Variants in PRKG1 observed in about 807,000 individuals in gnomAD.
PRKG1 encodes the protein protein kinase cGMP-dependent 1, also known as cGMP-dependent protein kinase 1.
Under a neutral mutation model 88.1 loss-of-function variants are expected in PRKG1, and 35 were observed. The ratio of observed to expected loss-of-function variants is 0.40; its 90% confidence interval spans 0.30 to 0.53. PRKG1 has a LOEUF of 0.53. Among genes scored for constraint, PRKG1 ranks in the 20% least tolerant of loss-of-function variants. PRKG1 has a pLI of 0.59. For missense variants in PRKG1, 540 were observed against 839.8 expected, an observed-to-expected ratio of 0.64 and a Z score of 4.41; for synonymous variants, 303 against 292.5, an observed-to-expected ratio of 1.04 and a Z score of -0.37.
At chr10:51,810,407 G>T (rs1171507203) in intron 4 of PRKG1, among the ~76,000 whole-genome samples, 1 of 152,020 alleles carries the variant, frequency 6.6e-6, no homozygotes, top group Admixed American at 6.6e-5. Context: ...TCCCTCTATG[G>T]GGGCCTTGTA....
intron 2 of PRKG1, among the ~76,000 whole-genome samples, chr10:51,401,487 T>C (rs996595226): frequency 2.0e-5 from 3 of 152,178 alleles, no homozygotes; most frequent in African/African-American, 7.2e-5. Context: ...CCTTTGTAAG[T>C]CCTCTGCATT....
At chr10:51,821,786 G>A (rs1049568155) in intron 4 of PRKG1, among the ~76,000 whole-genome samples, 1 of 152,000 alleles carries the variant, frequency 6.6e-6, no homozygotes, top group African/African-American at 2.4e-5. Flanking sequence ...AAATAGAATT[G>A]AGAGCCCAGA....
intron 3 of PRKG1, among the ~76,000 whole-genome samples, chr10:51,587,113 G>A (rs984526567): frequency 6.6e-6 from 1 of 151,976 alleles, no homozygotes; most frequent in African/African-American, 2.4e-5. Flanking sequence ...ATTCAGACGG[G>A]CCTCATTTTT....
intron 2 of PRKG1, among the ~76,000 whole-genome samples, chr10:51,325,851 C>A (rs561886520): frequency 6.6e-6 from 1 of 152,160 alleles, no homozygotes; most frequent in South Asian, 2.1e-4. Context: ...GGCCCAGTCT[C>A]AGCTCCAACC....
At chr10:51,850,499 A>ATATATATGTATATG (rs1554848487) in intron 4 of PRKG1, among the ~76,000 whole-genome samples, 3 of 151,280 alleles carry the variant, frequency 2.0e-5, no homozygotes, top group Non-Finnish European at 4.4e-5. Context: ...TTATATATAT[A>ATATATATGTATATG]TATATGTATA....
intron 5 of PRKG1, among the ~76,000 whole-genome samples, chr10:52,048,704 G>T (rs1845918445): frequency 1.3e-5 from 2 of 152,164 alleles, no homozygotes; most frequent in South Asian, 4.1e-4. Context: ...GCAATGAGAA[G>T]ACAGGTTTTT....
intron 2 of PRKG1, among the ~76,000 whole-genome samples, chr10:51,184,551 G>T (rs1485840821): frequency 6.6e-6 from 1 of 152,150 alleles, no homozygotes; most frequent in African/African-American, 2.4e-5. Context: ...ATCTATATAA[G>T]TTGTTGCCTT....
chr10:51,426,491 T>C (rs1564489877), intron 2 of PRKG1, among the ~76,000 whole-genome samples: 1 of 152,138 alleles, frequency 6.6e-6, no homozygotes, highest in Non-Finnish European at 1.5e-5. Context: ...GAGCATTATA[T>C]ACTATGGTGA....
At chr10:51,022,259 C>T (rs1843148548) in intron 1 of PRKG1, among the ~76,000 whole-genome samples, 1 of 152,064 alleles carries the variant, frequency 6.6e-6, no homozygotes, top group Non-Finnish European at 1.5e-5. Flanking sequence ...GCATGGGGGC[C>T]TCAGGTCTGT....
chr10:51,850,281 A>G (rs1840514335), intron 4 of PRKG1, among the ~76,000 whole-genome samples: 1 of 152,128 alleles, frequency 6.6e-6, no homozygotes, highest in African/African-American at 2.4e-5. Flanking sequence ...GGTTCAAGCG[A>G]TTCTCCTGCC....
chr10:52,185,696 T>C (rs1024342716), intron 9 of PRKG1, among the ~76,000 whole-genome samples: 1 of 152,228 alleles, frequency 6.6e-6, no homozygotes, highest in Non-Finnish European at 1.5e-5. Context: ...GACTTTCTTA[T>C]ACATCCTCTG....
chr10:51,610,619 G>A (rs1413502033), intron 3 of PRKG1, among the ~76,000 whole-genome samples: 1 of 151,996 alleles, frequency 6.6e-6, no homozygotes, highest in Non-Finnish European at 1.5e-5. Flanking sequence ...CAAAGACATG[G>A]AACCAACCCA....
rs1564483266 is a variant in PRKG1, at chr10:51,412,215, A to AGAGAGAGAGAG, written c.479-55508_479-55507insGAGAGAGAGAG. Among the ~76,000 whole-genome samples, 131 of 120,244 alleles carry AGAGAGAGAGAG rather than the reference A, an allele frequency of 1.1e-3. 2 individuals are homozygous for AGAGAGAGAGAG. The highest frequency in any genetic ancestry group is 4.7e-3 in the African/African-American group (117 of 24,988). 78.9% of individuals were successfully genotyped at this position (120,244 alleles called of 152,430 possible). ...AGAGAGAGAGAGAGAGAGAGAGAGA[A>AGAGAGAGAGAG]AGAAAGAGAGAAAGAATTGTTCAGA... On this transcript the variant is annotated intron_variant, in intron 2 of 17. Coordinates refer to ENST00000373980, the MANE Select transcript of PRKG1 (RefSeq NM_006258.4).
chr10:51,074,411 C>T, upstream of PRKG1: 1 of 1,434,368 alleles, frequency 7.0e-7, no homozygotes, highest in Non-Finnish European at 9.2e-7. Flanking sequence ...CACTGAAACT[C>T]TGGGTGGCTG....
chr10:51,556,384 A>T (rs1017822125), intron 3 of PRKG1, among the ~76,000 whole-genome samples: 1 of 150,108 alleles, frequency 6.7e-6, no homozygotes, highest in African/African-American at 2.4e-5. Flanking sequence ...ATAATTTTTC[A>T]TAAAATTTTA....
At chr10:51,256,523 A>C (rs565856714) in intron 2 of PRKG1, among the ~76,000 whole-genome samples, 1 of 152,310 alleles carries the variant, frequency 6.6e-6, no homozygotes, top group African/African-American at 2.4e-5. Context: ...GTCATATGCC[A>C]GATGAGCACT....
intron 17 of PRKG1, among the ~76,000 whole-genome samples, chr10:52,291,196 A>G (rs1236422744): frequency 6.6e-6 from 1 of 151,930 alleles, no homozygotes; most frequent in African/African-American, 2.4e-5. Context: ...GGTTGGGATT[A>G]CAGACGTGAG....
At chr10:51,256,880 TAAAA>T (rs1255323223) in intron 2 of PRKG1, among the ~76,000 whole-genome samples, 1 of 152,002 alleles carries the variant, frequency 6.6e-6, no homozygotes, top group East Asian at 1.9e-4. Flanking sequence ...GATTTTGACA[TAAAA>T]AAATCAATGT....
At chr10:51,918,126 G>T (rs191567369) in intron 5 of PRKG1, among the ~76,000 whole-genome samples, 1 of 152,114 alleles carries the variant, frequency 6.6e-6, no homozygotes, top group Non-Finnish European at 1.5e-5. Flanking sequence ...CAATGTGCAG[G>T]TGGGAAGACT....
Sources: gnomAD v4.1 joint callset for allele counts (sites outside exome capture counted in the v4.1 genomes callset) on GRCh38, gnomAD v4.1.1 for gene constraint, MANE v1.5 for transcripts, NCBI Gene and HGNC (gene_info 2026-07-23, HGNC 2026-07-21) for gene names.